Variants in GAS7 observed in about 807,000 individuals in gnomAD.
The protein encoded by GAS7 is growth arrest specific 7, also known as growth arrest-specific protein 7.
Under a neutral mutation model 71.1 loss-of-function variants are expected in GAS7, and 28 were observed. The ratio of observed to expected loss-of-function variants is 0.39; its 90% CI spans 0.29 to 0.54. The LOEUF (loss-of-function observed/expected upper bound fraction) is 0.54, where lower values mean the gene tolerates loss of function less well. GAS7 is among the 20% of genes least tolerant of loss of function. The pLI, the probability that GAS7 is intolerant of heterozygous loss-of-function variation, is 0.62. For synonymous variants in GAS7, 258 were observed against 245.8 expected (o/e 1.05, Z -0.46); for missense variants, 436 against 627.8 (o/e 0.69, Z 3.27).
chr17:10,167,997 C>T (rs987321003), intron 1 of GAS7, among the ~76,000 whole-genome samples: 4 of 152,136 alleles, frequency 2.6e-5, no homozygotes, highest in African/African-American at 9.7e-5. Flanking sequence ...CTGCACCTGG[C>T]CTCTCACTAC....
intron 5 of GAS7, among the ~76,000 whole-genome samples, chr17:9,948,526 C>T (rs1374129969): frequency 6.6e-6 from 1 of 152,042 alleles, no homozygotes; most frequent in Non-Finnish European, 1.5e-5. Context: ...CTACTAAAAA[C>T]ACAAAAATTA....
At chr17:10,172,625 G>A (rs1449037159) in intron 1 of GAS7, among the ~76,000 whole-genome samples, 1 of 152,210 alleles carries the variant, frequency 6.6e-6, no homozygotes, top group Non-Finnish European at 1.5e-5. Context: ...GCTTAGGAAG[G>A]GCTTAACCTC....
intron 1 of GAS7, among the ~76,000 whole-genome samples, chr17:10,190,915 C>T (rs1425507037): frequency 1.3e-5 from 2 of 151,916 alleles, no homozygotes; most frequent in African/African-American, 4.8e-5. Context: ...GTGGTTCACG[C>T]CTGTAATCCC....
In GAS7 at chr17:10,019,788, GT is replaced by G; in HGVS notation, c.292del (p.Thr98ArgfsTer32). ...SPQGRRYYVN[T>X]TTNETTWERP... ...CGAGCGGGACTCACCATTGGTGGTCGTGTTGACATAGTACCGCCGGCCCTGA... is the reference window on the plus strand; with the variant it reads ...CGAGCGGGACTCACCATTGGTGGTCGGTTGACATAGTACCGCCGGCCCTGA... On this transcript the variant is annotated frameshift_variant, in exon 2 of 14. Transcript: ENST00000432992. LOFTEE classifies it high-confidence loss of function. 6.2e-7 allele frequency: 1 copy of G among 1,613,754 alleles called. No homozygotes were observed. The highest frequency in any genetic ancestry group is 8.5e-7 in the Non-Finnish European group (1 of 1,179,842).
At chr17:10,082,563 G>C (rs991690766) in intron 1 of GAS7, among the ~76,000 whole-genome samples, 1 of 152,218 alleles carries the variant, frequency 6.6e-6, no homozygotes, top group Admixed American at 6.5e-5. Flanking sequence ...AATTGAAGCA[G>C]TGACTTCGGA....
rs1392035002 is a variant in GAS7, at chr17:9,959,144, C to T, written c.525+58G>A. The stretch of plus-strand genomic sequence containing the variant: ...CGGTCCACATCGCCATGGCAACAGC[C>T]CAGCCAAATGCCCCAGCTCGCAGCC... On this transcript the variant is annotated intron_variant, in intron 5 of 13. Transcript: ENST00000432992. The surrounding 1 kb of genome is among the most constrained non-coding windows in gnomAD (Gnocchi z 5.0). 8.8e-6 allele frequency: 14 copies of T among 1,585,182 alleles called. No individual in the cohort carries two copies. The highest frequency in any genetic ancestry group is 1.2e-5 in the Non-Finnish European group (14 of 1,161,612).
chr17:10,195,961 A>G (rs899708691), intron 1 of GAS7, among the ~76,000 whole-genome samples: 1 of 152,094 alleles, frequency 6.6e-6, no homozygotes, highest in Non-Finnish European at 1.5e-5. Flanking sequence ...ACTCGGGCCC[A>G]CTGTGGGAAG....
chr17:10,084,273 T>A lies in GAS7; in HGVS notation c.184-64376A>T, dbSNP rs572754187. On this transcript the variant is annotated intron_variant, in intron 1 of 13. Transcript: ENST00000432992. ...GGGGGAGAATAAAAAACTAAGGTGG[T>A]TTACAATGTTAATTCATTTCTTCCC... Among the ~76,000 whole-genome samples, 23 of 152,272 alleles carry A rather than the reference T, an allele frequency of 1.5e-4. 1 individual carries two copies. The South Asian group carries it at 4.3e-3, about 29-fold the overall frequency.
intron 1 of GAS7, among the ~76,000 whole-genome samples, chr17:10,135,725 G>C (rs904368464): frequency 6.6e-6 from 1 of 152,118 alleles, no homozygotes; most frequent in Non-Finnish European, 1.5e-5. Flanking sequence ...AAGCTTATGA[G>C]ACCCACTGCA....
intron 1 of GAS7, among the ~76,000 whole-genome samples, chr17:10,156,558 T>C (rs549310658): frequency 6.6e-6 from 1 of 152,298 alleles, no homozygotes; most frequent in African/African-American, 2.4e-5. Context: ...GCCCTTCTCC[T>C]GCAGCTCCTG....
At chr17:10,105,277 T>C (rs1434464777) in intron 1 of GAS7, among the ~76,000 whole-genome samples, 1 of 152,096 alleles carries the variant, frequency 6.6e-6, no homozygotes, top group African/African-American at 2.4e-5. Flanking sequence ...CCAGGTGTGG[T>C]GTGGCTCAGG....
chr17:9,914,286 G>A lies in GAS7; in HGVS notation c.*2942C>T. On this transcript the variant is annotated 3_prime_UTR_variant, in exon 14 of 14. Transcript: ENST00000432992. ...CTGTCACCCAAGCTGGAGTGCAGTG[G>A]CCCGATCTTGGTTCACTGCAATCTC... The A allele has an allele frequency of 5.2e-6, 1 of 192,442 alleles. No homozygotes were observed. The highest frequency in any genetic ancestry group is 1.1e-5 in the Non-Finnish European group (1 of 92,014). 11.9% of individuals were successfully genotyped at this position (192,442 alleles called of 1,614,324 possible).
chr17:10,162,748 C>T (rs2074265865), intron 1 of GAS7, among the ~76,000 whole-genome samples: 1 of 152,226 alleles, frequency 6.6e-6, no homozygotes, highest in Non-Finnish European at 1.5e-5. Flanking sequence ...GCCCATCACA[C>T]GAGGGGAAGT....
chr17:9,920,282 AG>A (rs2067759341), intron 11 of GAS7, among the ~76,000 whole-genome samples: 2 of 152,112 alleles, frequency 1.3e-5, no homozygotes, highest in South Asian at 4.1e-4. Context: ...GCACTGGAGG[AG>A]CACACCCCAG....
At chr17:10,135,327 G>A (rs1422410298) in intron 1 of GAS7, among the ~76,000 whole-genome samples, 1 of 152,144 alleles carries the variant, frequency 6.6e-6, no homozygotes, top group African/African-American at 2.4e-5. Flanking sequence ...CCCTGCCTCT[G>A]TTTTAGCTAG....
intron 1 of GAS7, among the ~76,000 whole-genome samples, chr17:10,040,786 C>T (rs758470969): frequency 1.2e-4 from 19 of 152,114 alleles, no homozygotes; most frequent in Non-Finnish European, 2.1e-4. Context: ...TCCACACACT[C>T]GCTTTTGAGG....
intron 1 of GAS7, among the ~76,000 whole-genome samples, chr17:10,091,708 G>A (rs1364456139): frequency 6.6e-6 from 1 of 152,016 alleles, no homozygotes; most frequent in African/African-American, 2.4e-5. Flanking sequence ...TTGAGACAGA[G>A]TCTAGCTGTG....
chr17:10,086,817 A>AG (rs1254187150), intron 1 of GAS7, among the ~76,000 whole-genome samples: 1 of 152,170 alleles, frequency 6.6e-6, no homozygotes, highest in African/African-American at 2.4e-5. Context: ...GACATTACTT[A>AG]GCCACCAGCT....
intron 1 of GAS7, chr17:10,036,525 C>A: frequency 6.2e-7 from 1 of 1,602,658 alleles, no homozygotes; most frequent in Non-Finnish European, 8.5e-7. Context: ...CACCAAGACT[C>A]CGCCGGCTTC....
Sources: gnomAD v4.1 joint callset for allele counts (sites outside exome capture counted in the v4.1 genomes callset) on GRCh38, gnomAD v4.1.1 for gene constraint, Gnocchi (gnomAD v3.1) non-coding constraint, MANE v1.5 for transcripts, NCBI Gene and HGNC (gene_info 2026-07-23, HGNC 2026-07-21) for gene names.